Variants in PCSK2 observed in about 807,000 individuals in gnomAD.
PCSK2 encodes the protein proprotein convertase subtilisin/kexin type 2.
Under a neutral mutation model 69.7 loss-of-function variants are expected in PCSK2, and 14 were observed. The observed-to-expected ratio is 0.20, with a 90% CI of 0.13 to 0.31. The LOEUF is 0.31. Among genes scored for constraint, PCSK2 ranks in the 10% least tolerant of loss-of-function variants. The pLI is 1.00. For synonymous variants in PCSK2, 307 were observed against 320.7 expected (o/e 0.96, Z 0.46); for missense variants, 544 against 842.5 (o/e 0.65, Z 4.39).
intron 11 of PCSK2, among the ~76,000 whole-genome samples, chr20:17,481,242 C>T (rs1160364081): frequency 4.0e-5 from 6 of 151,838 alleles, no homozygotes; most frequent in Admixed American, 2.0e-4. Flanking sequence ...ATTAGCCAGG[C>T]GTGGTGGCAC....
chr20:17,304,787 G>A (rs6136057), intron 2 of PCSK2, among the ~76,000 whole-genome samples: 14,172 of 152,156 alleles, frequency 0.093, 798 homozygotes, highest in African/African-American at 0.15. Context: ...ATAATAGATA[G>A]CAAAAGTTTT....
At position 17,331,271 on chromosome 20, in the gene PCSK2, C is replaced by G. The variant is rs187771007; in HGVS notation, c.283-27056C>G. Among the ~76,000 whole-genome samples, 44 of 152,308 alleles carry G rather than the reference C, an allele frequency of 2.9e-4. No homozygotes were observed. The East Asian group carries it at 7.9e-3, about 27-fold the overall frequency. ...AAAGAATGTTTCAGCACATCTGCAGCACGTTGGACATTATTAGATTCTCAA... is the reference window on the plus strand; with the variant it reads ...AAAGAATGTTTCAGCACATCTGCAGGACGTTGGACATTATTAGATTCTCAA... On this transcript the variant is annotated intron_variant, in intron 2 of 11. Transcript: ENST00000262545.
intron 6 of PCSK2, among the ~76,000 whole-genome samples, chr20:17,410,138 A>G (rs999865440): frequency 1.3e-5 from 2 of 149,924 alleles, no homozygotes; most frequent in Non-Finnish European, 1.5e-5. Flanking sequence ...TTTTTTTTTT[A>G]TTTCTCATGG....
At chr20:17,265,824 G>C (rs1166761916) in intron 2 of PCSK2, among the ~76,000 whole-genome samples, 5 of 152,136 alleles carry the variant, frequency 3.3e-5, no homozygotes, top group Admixed American at 6.6e-5. Context: ...TTCAGCCCTT[G>C]ACCTTGAAGC....
chr20:17,312,738 A>G (rs573800972), intron 2 of PCSK2, among the ~76,000 whole-genome samples: 1 of 152,216 alleles, frequency 6.6e-6, no homozygotes, highest in East Asian at 1.9e-4. Flanking sequence ...GTGGTGGAGA[A>G]GCGAGTGTGT....
At chr20:17,352,094 C>A (rs923686214) in intron 2 of PCSK2, among the ~76,000 whole-genome samples, 7 of 152,074 alleles carry the variant, frequency 4.6e-5, no homozygotes, top group South Asian at 2.1e-4. Context: ...CACAATCCCA[C>A]GTATAATAGC....
intron 10 of PCSK2, among the ~76,000 whole-genome samples, chr20:17,460,123 A>C (rs1261184255): frequency 6.6e-6 from 1 of 152,188 alleles, no homozygotes; most frequent in Admixed American, 6.5e-5. Flanking sequence ...TTGCTCTGCC[A>C]CTTTCATGTT....
chr20:17,401,250 G>T lies in PCSK2; in HGVS notation c.544-8013G>T, dbSNP rs116338541. Reference sequence around the variant, plus strand: ...CTGATATAACAAAATATCTTAGACTGAGTAATTTATAAGCAACAGAAATCT... The same window carrying T: ...CTGATATAACAAAATATCTTAGACTTAGTAATTTATAAGCAACAGAAATCT... On this transcript the variant is annotated intron_variant, in intron 5 of 11. Transcript: ENST00000262545. 4.3e-3 allele frequency among the ~76,000 whole-genome samples: 654 copies of T among 152,318 alleles called. 4 individuals carry two copies. The highest frequency in any genetic ancestry group is 0.015 in the African/African-American group (607 of 41,568).
At chr20:17,346,331 G>A (rs1990652672) in intron 2 of PCSK2, among the ~76,000 whole-genome samples, 1 of 152,156 alleles carries the variant, frequency 6.6e-6, no homozygotes, top group Non-Finnish European at 1.5e-5. Flanking sequence ...AGTGCTGAGT[G>A]CACTGGTCAG....
At chr20:17,348,088 AAAGAAAGAAAG>A (rs1990746436) in intron 2 of PCSK2, among the ~76,000 whole-genome samples, 86 of 148,960 alleles carry the variant, frequency 5.8e-4, no homozygotes, top group African/African-American at 1.5e-3. Context: ...AGAAAGAAAG[AAAGAAAGAAAG>A]AAAGAAAAGA....
chr20:17,353,066 A>G (rs545702333), intron 2 of PCSK2, among the ~76,000 whole-genome samples: 1 of 152,366 alleles, frequency 6.6e-6, no homozygotes, highest in African/African-American at 2.4e-5. Flanking sequence ...ACAGGTGGCC[A>G]ACAAACATAT....
At chr20:17,423,242 G>A (rs754791424) in intron 6 of PCSK2, among the ~76,000 whole-genome samples, 1 of 152,136 alleles carries the variant, frequency 6.6e-6, no homozygotes, top group African/African-American at 2.4e-5. Flanking sequence ...ACATTGGCTT[G>A]GTCTGGAAAG....
intron 8 of PCSK2, among the ~76,000 whole-genome samples, chr20:17,443,448 C>A (rs1227496993): frequency 6.6e-6 from 1 of 152,142 alleles, no homozygotes; most frequent in Non-Finnish European, 1.5e-5. Context: ...TTGCATTATT[C>A]ATTGTGTGAC....
rs774361715 is a variant in PCSK2 at position 17,433,812 on chromosome 20, T to TCTCTCTCTCTCTCCC, written c.710-2895_710-2894insTCTCTCTCTCTCCCC. 1.5e-3 allele frequency among the ~76,000 whole-genome samples: 160 copies of TCTCTCTCTCTCTCCC among 104,160 alleles called. 18 individuals are homozygous for TCTCTCTCTCTCTCCC. Among genetic ancestry groups the TCTCTCTCTCTCTCCC allele is most frequent in the East Asian group, 0.012 (32 of 2,618 alleles). The allele number at this position is 104,160 out of a possible 152,430, so 68.3% of individuals were successfully genotyped here. A position where few individuals can be genotyped will look rare whatever the true frequency, so the allele number is the denominator to read the frequency against. On this transcript the variant is annotated intron_variant, in intron 7 of 11. Transcript: ENST00000262545. ...CTCTCTCTCTCTCTCTCTCTCTCTCTCCCCCCACTTCCTTCCCTCCTCCTC... is the reference window on the plus strand; with the variant it reads ...CTCTCTCTCTCTCTCTCTCTCTCTCTCTCTCTCTCTCTCCCCCCCCCACTTCCTTCCCTCCTCCTC...
chr20:17,232,041 G>C (rs549284916), intron 1 of PCSK2, among the ~76,000 whole-genome samples: 1 of 152,128 alleles, frequency 6.6e-6, no homozygotes, highest in Non-Finnish European at 1.5e-5. Context: ...TTCTTCTGAT[G>C]AACTCAGAGT....
At chr20:17,285,755 T>C (rs1988491711) in intron 2 of PCSK2, among the ~76,000 whole-genome samples, 1 of 152,168 alleles carries the variant, frequency 6.6e-6, no homozygotes, top group Non-Finnish European at 1.5e-5. Context: ...CCATTACTGT[T>C]AAGGAATTAG....
chr20:17,387,743 C>T (rs1414160077), intron 5 of PCSK2, among the ~76,000 whole-genome samples: 1 of 152,138 alleles, frequency 6.6e-6, no homozygotes, highest in East Asian at 1.9e-4. Context: ...TATCAGGAAG[C>T]AAGAATCCCT....
intron 2 of PCSK2, among the ~76,000 whole-genome samples, chr20:17,303,193 AT>A (rs1183147573): frequency 1.4e-5 from 2 of 144,126 alleles, no homozygotes; most frequent in African/African-American, 2.5e-5. Flanking sequence ...TAATATATAT[AT>A]TTATATTATT....
intron 11 of PCSK2, among the ~76,000 whole-genome samples, chr20:17,468,558 A>G (rs1477900190): frequency 8.6e-4 from 98 of 113,728 alleles, no homozygotes; most frequent in East Asian, 4.6e-3. Flanking sequence ...ATCCTCCCAC[A>G]GGCCAGCGTC....
Sources: gnomAD v4.1 joint callset for allele counts (sites outside exome capture counted in the v4.1 genomes callset) on GRCh38, gnomAD v4.1.1 for gene constraint, MANE v1.5 for transcripts, NCBI Gene and HGNC (gene_info 2026-07-23, HGNC 2026-07-21) for gene names.